Variants in SORCS2 observed in about 807,000 individuals in gnomAD.
SORCS2 encodes VPS10 domain-containing receptor SorCS2.
SORCS2 carries 100 observed loss-of-function variants against 141.6 expected under a neutral mutation model. The observed-to-expected ratio is 0.71, with a 90% confidence interval of 0.60 to 0.83. The LOEUF is 0.83. Among genes scored for constraint, SORCS2 ranks in the 40% least tolerant of loss-of-function variants. The pLI is 0.00. For synonymous variants in SORCS2, 789 were observed against 676.9 expected (o/e 1.17, Z -2.57); for missense variants, 1,646 against 1,560.2 (o/e 1.05, Z -0.93).
intron 1 of SORCS2, among the ~76,000 whole-genome samples, chr4:7,216,899 G>A (rs150770374): frequency 7.0e-4 from 66 of 94,378 alleles, no homozygotes; most frequent in Non-Finnish European, 8.9e-4. Flanking sequence ...TTCCTCTCCC[G>A]GGGATGCAGA....
chr4:7,226,604 G>A (rs922239752), intron 1 of SORCS2, among the ~76,000 whole-genome samples: 6 of 152,068 alleles, frequency 3.9e-5, no homozygotes, highest in South Asian at 2.1e-4. Context: ...AGAAAACCCC[G>A]GCCCCTTCCC....
intron 4 of SORCS2, among the ~76,000 whole-genome samples, chr4:7,639,154 C>A (rs1420992109): frequency 6.6e-6 from 1 of 152,212 alleles, no homozygotes; most frequent in East Asian, 1.9e-4. Context: ...TCCTTTTCTG[C>A]AGCCGTGGGA....
At chr4:7,610,597 G>T (rs1006228761) in intron 3 of SORCS2, among the ~76,000 whole-genome samples, 2 of 152,210 alleles carry the variant, frequency 1.3e-5, no homozygotes, top group African/African-American at 4.8e-5. Flanking sequence ...GCTTGGGGGG[G>T]TCCTTAAGTA....
At chr4:7,244,488 A>C (rs1416893011) in intron 1 of SORCS2, among the ~76,000 whole-genome samples, 2 of 152,300 alleles carry the variant, frequency 1.3e-5, no homozygotes, top group East Asian at 3.9e-4. Context: ...GCTGTTGCAT[A>C]TTAAGTGCAG....
At chr4:7,590,249 G>C (rs944909841) in intron 3 of SORCS2, among the ~76,000 whole-genome samples, 1 of 152,166 alleles carries the variant, frequency 6.6e-6, no homozygotes, top group Non-Finnish European at 1.5e-5. Flanking sequence ...TTAAATATGT[G>C]GCGGAAAATT....
intron 2 of SORCS2, among the ~76,000 whole-genome samples, chr4:7,524,591 T>C (rs1337403557): frequency 6.6e-6 from 1 of 151,946 alleles, no homozygotes; most frequent in Non-Finnish European, 1.5e-5. Context: ...TTTTGTTTTT[T>C]TTTTTTCATG....
chr4:7,575,970 G>C (rs939527039), intron 3 of SORCS2, among the ~76,000 whole-genome samples: 32 of 152,282 alleles, frequency 2.1e-4, no homozygotes, highest in African/African-American at 7.0e-4. Context: ...TTTTTTGAAA[G>C]GGTCGGTTGA....
In SORCS2 at chr4:7,648,309, G is replaced by A. The variant is rs745341689; in HGVS notation, c.814-5825G>A. The stretch of plus-strand genomic sequence containing the variant: ...GGGGTGGTGCAGGGAGGAAGTGACC[G>A]TGGAGAGGGTGTCAAGGAGTCAGGG... On this transcript the variant is annotated intron_variant, in intron 4 of 26. Coordinates refer to ENST00000507866, the MANE Select transcript of SORCS2 (RefSeq NM_020777.3). This position sits in a 1 kb window ranked among gnomAD's most constrained non-coding sequence, Gnocchi z 4.2. 2.9e-4 allele frequency among the ~76,000 whole-genome samples: 44 copies of A among 152,212 alleles called. No individual in the cohort carries two copies. Among genetic ancestry groups the A allele is most frequent in the African/African-American group, 8.2e-4 (34 of 41,530 alleles).
At chr4:7,655,659 C>T (rs1265025555) in intron 5 of SORCS2, among the ~76,000 whole-genome samples, 2 of 152,242 alleles carry the variant, frequency 1.3e-5, no homozygotes, top group Non-Finnish European at 2.9e-5. Context: ...GGCCCGGTTC[C>T]TCCCTCGGAA....
At chr4:7,298,422 A>C (rs1302712684) in intron 1 of SORCS2, among the ~76,000 whole-genome samples, 1 of 152,160 alleles carries the variant, frequency 6.6e-6, no homozygotes, top group African/African-American at 2.4e-5. Flanking sequence ...CTGACATACA[A>C]GCAACAGTGC....
intron 1 of SORCS2, among the ~76,000 whole-genome samples, chr4:7,205,458 C>T (rs894404072): frequency 6.6e-6 from 1 of 152,206 alleles, no homozygotes; most frequent in Non-Finnish European, 1.5e-5. Context: ...GTAACACTTC[C>T]GTAAGAACTA....
At chr4:7,629,634 A>C (rs1413385266) in intron 3 of SORCS2, among the ~76,000 whole-genome samples, 1 of 133,724 alleles carries the variant, frequency 7.5e-6, no homozygotes, top group African/African-American at 2.9e-5. Context: ...TCTTTTTCCC[A>C]CTTCCTGCCA....
intron 1 of SORCS2, among the ~76,000 whole-genome samples, chr4:7,359,838 A>G (rs752927978): frequency 9.9e-5 from 15 of 152,178 alleles, no homozygotes; most frequent in Non-Finnish European, 1.8e-4. Context: ...TCAGATCTCA[A>G]GAGGGTGATC....
At chr4:7,209,578 GGT>G (rs1272488856) in intron 1 of SORCS2, among the ~76,000 whole-genome samples, 2 of 152,170 alleles carry the variant, frequency 1.3e-5, no homozygotes, top group Non-Finnish European at 2.9e-5. Flanking sequence ...GTTTTTGGTG[GGT>G]GGGCTCGTCC....
At chr4:7,480,895 T>C (rs16840373) in intron 2 of SORCS2, among the ~76,000 whole-genome samples, 17,105 of 152,256 alleles carry the variant, frequency 0.11, 1,193 homozygotes, top group South Asian at 0.25. Context: ...ATTGACGAAA[T>C]GAGTGTTCCC....
chr4:7,620,691 G>C (rs1241872133), intron 3 of SORCS2, among the ~76,000 whole-genome samples: 1 of 152,260 alleles, frequency 6.6e-6, no homozygotes, highest in Non-Finnish European at 1.5e-5. Flanking sequence ...GGTTTGTGCA[G>C]CTCCCCATAG....
intron 2 of SORCS2, among the ~76,000 whole-genome samples, chr4:7,519,458 G>T (rs1041015436): frequency 6.6e-6 from 1 of 152,190 alleles, no homozygotes; most frequent in African/African-American, 2.4e-5. Context: ...GTGAGTTCAC[G>T]TCGTGAGTCT....
intron 2 of SORCS2, among the ~76,000 whole-genome samples, chr4:7,451,541 G>A (rs1375994821): frequency 6.6e-6 from 1 of 152,240 alleles, no homozygotes; most frequent in Non-Finnish European, 1.5e-5. Context: ...GTGACATGGG[G>A]GACCAGCCTT....
At chr4:7,429,163 G>T (rs9995539) in intron 2 of SORCS2, among the ~76,000 whole-genome samples, 101,176 of 152,050 alleles carry the variant, frequency 0.67, 34,124 homozygotes, top group African/African-American at 0.78. Context: ...GGGTTGGGCC[G>T]GCACACCCCC....
Sources: allele counts gnomAD v4.1 joint callset (sites outside exome capture counted in the v4.1 genomes callset), GRCh38; gene constraint gnomAD v4.1.1; non-coding constraint Gnocchi (gnomAD v3.1); transcripts MANE v1.5; gene names NCBI Gene and HGNC (gene_info 2026-07-23, HGNC 2026-07-21).